ETV5: variants seen among roughly 807,000 people sequenced by gnomAD.
ETV5 encodes ETS variant transcription factor 5.
Under a neutral mutation model 70.0 loss-of-function variants are expected in ETV5, and 10 were observed. The ratio of observed to expected loss-of-function variants is 0.14; its 90% CI spans 0.09 to 0.24. ETV5 has a LOEUF of 0.24. Ranked by LOEUF, ETV5 falls within the 10% of genes least tolerant of loss-of-function variation. The pLI is 1.00. For missense variants in ETV5, 453 were observed against 651.2 expected (o/e 0.70, Z 3.31); for synonymous variants, 216 against 242.2 (o/e 0.89, Z 1.01).
Position 186,105,279 on chromosome 3 carries a change from T to C in ETV5, c.232+26A>G. 6.3e-7 allele frequency: 1 copy of C among 1,599,072 alleles called. No individual in the cohort carries two copies. The highest frequency in any genetic ancestry group is 8.5e-7 in the Non-Finnish European group (1 of 1,172,808). The stretch of plus-strand genomic sequence containing the variant: ...TAAGACCAAACAATTTCAGAACAAA[T>C]GTGCCATCACCAGAAAGGTACTTAC... On this transcript the variant is annotated intron_variant, in intron 5 of 12. Transcript: ENST00000306376. The surrounding 1 kb of genome is among the most constrained non-coding windows in gnomAD (Gnocchi z 4.5).
chr3:186,103,328 C>T (rs1714508028), intron 5 of ETV5, among the ~76,000 whole-genome samples: 1 of 152,180 alleles, frequency 6.6e-6, no homozygotes, highest in Non-Finnish European at 1.5e-5. Context: ...TTAGCCTATT[C>T]CCACAGATAA....
rs1396582372 is a variant in ETV5, at chr3:186,061,336, G to A, written c.970+3081C>T. On this transcript the variant is annotated intron_variant, in intron 9 of 12. Coordinates refer to ENST00000306376, the MANE Select transcript of ETV5 (RefSeq NM_004454.3). ...AATCTACATTTTTAGAAGCTCCTCA[G>A]GTAATTCCAATGTTTGACCAAACTT... Among the ~76,000 whole-genome samples the A allele has an allele frequency of 3.3e-5, 5 of 152,144 alleles. No homozygotes were observed. In the East Asian group the frequency reaches 9.6e-4, roughly 29 times the overall value.
Position 186,046,592 on chromosome 3 carries a change from C to G in ETV5, c.*2047G>C, listed in dbSNP as rs966787916. 4.5e-6 allele frequency: 1 copy of G among 224,312 alleles called. No individual in the cohort carries two copies. Among genetic ancestry groups the G allele is most frequent in the East Asian group, 6.3e-5 (1 of 15,778 alleles). 13.9% of individuals were successfully genotyped at this position (224,312 alleles called of 1,614,324 possible). ...CTATGCCCAGTGACAGCACAGGTCA[C>G]GTAAGTTACAGCAGGGGAGGGGTAG... On this transcript the variant is annotated 3_prime_UTR_variant, in exon 13 of 13. Coordinates refer to ENST00000306376, the MANE Select transcript of ETV5 (RefSeq NM_004454.3).
rs1361178938 is a variant in ETV5, at chr3:186,054,946, C to T, written c.1209+2129G>A. Among the ~76,000 whole-genome samples, 1 of 152,166 alleles carries T rather than the reference C, an allele frequency of 6.6e-6. No individual in the cohort carries two copies. The highest frequency in any genetic ancestry group is 1.5e-5 in the Non-Finnish European group (1 of 68,028). On this transcript the variant is annotated intron_variant, in intron 11 of 12. Coordinates refer to ENST00000306376, the MANE Select transcript of ETV5 (RefSeq NM_004454.3). This position sits in a 1 kb window ranked among gnomAD's most constrained non-coding sequence, Gnocchi z 4.4. Reference sequence around the variant, plus strand: ...GACTTCAAGGTGGGGTGGAAAGCACCATTTCCTGAAGAAACAAAGCTGCCC... The same window carrying T: ...GACTTCAAGGTGGGGTGGAAAGCACTATTTCCTGAAGAAACAAAGCTGCCC...
At chr3:186,077,552 G>A (rs1713826502) in intron 7 of ETV5, among the ~76,000 whole-genome samples, 1 of 152,124 alleles carries the variant, frequency 6.6e-6, no homozygotes, top group African/African-American at 2.4e-5. Flanking sequence ...AATAGAATTT[G>A]GTAATACATG....
At chr3:186,070,792 A>G (rs779918125) in intron 7 of ETV5, among the ~76,000 whole-genome samples, 1 of 152,246 alleles carries the variant, frequency 6.6e-6, no homozygotes, top group Non-Finnish European at 1.5e-5. Flanking sequence ...TACAGCTACA[A>G]CAAAGATGCC....
intron 5 of ETV5, chr3:186,094,994 T>A (rs886464074): frequency 3.9e-5 from 6 of 152,234 alleles, no homozygotes; most frequent in African/African-American, 1.4e-4. Context: ...ACCAGCAGCA[T>A]ACAAATGTGA....
intron 5 of ETV5, among the ~76,000 whole-genome samples, chr3:186,087,700 T>TA (rs1714090458): frequency 6.6e-6 from 1 of 152,126 alleles, no homozygotes; most frequent in Non-Finnish European, 1.5e-5. Flanking sequence ...TGCCCACAAG[T>TA]ACAGGCCTGT....
At chr3:186,083,269 C>A (rs1187501722) in intron 5 of ETV5, among the ~76,000 whole-genome samples, 2 of 152,104 alleles carry the variant, frequency 1.3e-5, no homozygotes, top group Non-Finnish European at 2.9e-5. Context: ...TAATGATGAC[C>A]CAATTTAAAC....
chr3:186,077,476 T>C (rs183905173), intron 7 of ETV5, among the ~76,000 whole-genome samples: 2 of 152,336 alleles, frequency 1.3e-5, no homozygotes, highest in Admixed American at 1.3e-4. Flanking sequence ...ACTGTCACGT[T>C]TTTGATGCGT....
intron 7 of ETV5, among the ~76,000 whole-genome samples, chr3:186,071,488 A>G (rs1366849614): frequency 6.6e-6 from 1 of 152,198 alleles, no homozygotes; most frequent in Non-Finnish European, 1.5e-5. Flanking sequence ...AACCGCTCTG[A>G]AGCCTCAGTT....
intron 7 of ETV5, among the ~76,000 whole-genome samples, chr3:186,075,165 T>C (rs1364555308): frequency 2.0e-5 from 3 of 152,194 alleles, no homozygotes; most frequent in Non-Finnish European, 4.4e-5. Context: ...TAAAAAAACC[T>C]ACGCACTCTA....
chr3:186,057,565 A>C lies in ETV5; in HGVS notation c.971-74T>G. On this transcript the variant is annotated intron_variant, in intron 9 of 12. Coordinates refer to ENST00000306376, the MANE Select transcript of ETV5 (RefSeq NM_004454.3). The surrounding 1 kb of genome is among the most constrained non-coding windows in gnomAD (Gnocchi z 4.9). Reference sequence around the variant, plus strand: ...TTGTACTAAAACTATGGATTTAAGGACTAGAGTGCAATCCTATCATTTCAG... The same window carrying C: ...TTGTACTAAAACTATGGATTTAAGGCCTAGAGTGCAATCCTATCATTTCAG... The C allele has an allele frequency of 8.1e-7, 1 of 1,236,766 alleles. No homozygotes were observed. Among genetic ancestry groups the C allele is most frequent in the Non-Finnish European group, 1.2e-6 (1 of 838,446 alleles). The allele number at this position is 1,236,766 out of a possible 1,614,324, so 76.6% of individuals were successfully genotyped here. A position where few individuals can be genotyped will look rare whatever the true frequency, so the allele number is the denominator to read the frequency against.
chr3:186,107,263 A>T (rs1714610297), intron 1 of ETV5, among the ~76,000 whole-genome samples: 1 of 152,196 alleles, frequency 6.6e-6, no homozygotes, highest in Non-Finnish European at 1.5e-5. Context: ...TCCAAACACC[A>T]CAAGAAATGT....
At chr3:186,092,561 T>C (rs901273271) in intron 5 of ETV5, among the ~76,000 whole-genome samples, 8 of 151,374 alleles carry the variant, frequency 5.3e-5, no homozygotes, top group Admixed American at 2.6e-4. Flanking sequence ...GCCTCCAGAG[T>C]AGGTGGGACC....
chr3:186,051,108 G>A (rs971378661), intron 12 of ETV5, among the ~76,000 whole-genome samples: 4 of 152,208 alleles, frequency 2.6e-5, no homozygotes, highest in African/African-American at 9.7e-5. Flanking sequence ...CCTGTATGAC[G>A]CACTAGCAAG....
Position 186,072,117 on chromosome 3 carries a change from C to A in ETV5, c.651-6045G>T, listed in dbSNP as rs186146256. 4.5e-3 allele frequency among the ~76,000 whole-genome samples: 682 copies of A among 150,638 alleles called. 3 individuals are homozygous for A. The highest frequency in any genetic ancestry group is 0.035 in the Middle Eastern group (10 of 288). ...CAGTGGCTCAGGCCTGTAATCCCAG[C>A]ACTTTGGGAGGCCAAGGTGGGCAGA... On this transcript the variant is annotated intron_variant, in intron 7 of 12. Coordinates refer to ENST00000306376, the MANE Select transcript of ETV5 (RefSeq NM_004454.3).
chr3:186,075,637 G>A (rs547326223), intron 7 of ETV5, among the ~76,000 whole-genome samples: 1 of 152,204 alleles, frequency 6.6e-6, no homozygotes. Context: ...AGCTTAGGCT[G>A]TTTCCTCCTT....
intron 7 of ETV5, among the ~76,000 whole-genome samples, chr3:186,070,715 C>A (rs1713611425): frequency 6.6e-6 from 1 of 152,222 alleles, no homozygotes. Flanking sequence ...TACTCACTGA[C>A]CTTCACTTGA....
Sources: allele counts gnomAD v4.1 joint callset (sites outside exome capture counted in the v4.1 genomes callset), GRCh38; gene constraint gnomAD v4.1.1; non-coding constraint Gnocchi (gnomAD v3.1); transcripts MANE v1.5; gene names NCBI Gene and HGNC (gene_info 2026-07-23, HGNC 2026-07-21).